The following PTPRK variants were observed in gnomAD, a reference collection of about 807,000 sequenced individuals.
The protein encoded by PTPRK is protein tyrosine phosphatase receptor type K.
PTPRK carries 75 observed loss-of-function variants against 178.0 expected under a neutral mutation model. That is an observed-to-expected ratio of 0.42 (90% confidence interval 0.35 to 0.51). PTPRK has a LOEUF of 0.51. Among genes scored for constraint, PTPRK ranks in the 20% least tolerant of loss-of-function variants. The pLI is 0.02. For synonymous variants in PTPRK, 637 were observed against 620.6 expected, an observed-to-expected ratio of 1.03 and a Z score of -0.39; for missense variants, 1,441 against 1,797.8, an observed-to-expected ratio of 0.80 and a Z score of 3.59.
chr6:128,091,591 T>C lies in PTPRK; in HGVS notation c.1163-1599A>G, dbSNP rs548248066. 4.6e-5 allele frequency among the ~76,000 whole-genome samples: 7 copies of C among 152,280 alleles called. No homozygotes were observed. The South Asian group carries it at 1.4e-3, about 32-fold the overall frequency. ...TATCTTGTTCTAAAATTATACAGAA[T>C]GAGAAAGTAAGATTTCCCATGAAAA... On this transcript the variant is annotated intron_variant, in intron 7 of 29. Coordinates refer to ENST00000368226, the MANE Select transcript of PTPRK (RefSeq NM_002844.4).
intron 7 of PTPRK, among the ~76,000 whole-genome samples, chr6:128,091,354 C>T (rs1233381742): frequency 1.3e-5 from 2 of 152,114 alleles, no homozygotes; most frequent in Admixed American, 6.6e-5. Context: ...TAGCTCTATG[C>T]TAAGATTTTC....
At chr6:128,269,224 G>A (rs11968696) in intron 3 of PTPRK, among the ~76,000 whole-genome samples, 6,621 of 151,992 alleles carry the variant, frequency 0.044, 480 homozygotes, top group African/African-American at 0.15. Context: ...GGCAGGATAG[G>A]GTAGAATACA....
chr6:128,483,964 G>A (rs141671822), intron 1 of PTPRK, among the ~76,000 whole-genome samples: 1 of 151,938 alleles, frequency 6.6e-6, no homozygotes, highest in African/African-American at 2.4e-5. Context: ...ATAATTTCCA[G>A]GGTCAGTCAT....
intron 5 of PTPRK, chr6:128,237,951 A>C: frequency 4.9e-6 from 2 of 404,254 alleles, no homozygotes; most frequent in South Asian, 3.7e-5. Flanking sequence ...TTCATAATAA[A>C]AGTTTTTATT....
chr6:128,212,626 T>G lies in PTPRK; in HGVS notation c.868+6296A>C, dbSNP rs9491928. 1.5e-3 allele frequency among the ~76,000 whole-genome samples: 225 copies of G among 152,172 alleles called. 2 individuals are homozygous for G. Among genetic ancestry groups the G allele is most frequent in the African/African-American group, 5.2e-3 (217 of 41,580 alleles). On this transcript the variant is annotated intron_variant, in intron 6 of 29. Transcript: ENST00000368226. Reference sequence around the variant, plus strand: ...CCTTGAGTTCAGCACAAATAATTATTAATGATGCAAATGATTCTGCTTCCT... The same window carrying G: ...CCTTGAGTTCAGCACAAATAATTATGAATGATGCAAATGATTCTGCTTCCT...
intron 7 of PTPRK, among the ~76,000 whole-genome samples, chr6:128,093,184 T>A (rs1787279761): frequency 1.3e-5 from 2 of 152,216 alleles, no homozygotes; most frequent in South Asian, 4.1e-4. Flanking sequence ...CTTTATTGGG[T>A]ATTCCATATA....
Position 128,116,169 on chromosome 6 carries a change from G to A in PTPRK, c.1163-26177C>T, listed in dbSNP as rs183201289. ...AATCTGCCTTTTATTTACAATGTCA[G>A]TTACTGGTCAGGGATGGATTAAGGT... On this transcript the variant is annotated intron_variant, in intron 7 of 29. Coordinates refer to ENST00000368226, the MANE Select transcript of PTPRK (RefSeq NM_002844.4). 6.6e-5 allele frequency among the ~76,000 whole-genome samples: 10 copies of A among 152,138 alleles called. No individual in the cohort carries two copies. In the East Asian group the frequency reaches 1.9e-3, roughly 29 times the overall value.
chr6:128,485,649 A>G (rs775075606), intron 1 of PTPRK, among the ~76,000 whole-genome samples: 1 of 152,214 alleles, frequency 6.6e-6, no homozygotes, highest in Non-Finnish European at 1.5e-5. Flanking sequence ...GAATGAAGGA[A>G]GAGCCCATGG....
intron 25 of PTPRK, among the ~76,000 whole-genome samples, chr6:127,979,893 CAAAGT>C (rs898695344): frequency 1.3e-5 from 2 of 152,172 alleles, no homozygotes; most frequent in Admixed American, 6.5e-5. Flanking sequence ...CCAACATAAT[CAAAGT>C]AAAGTGGCCA....
At chr6:128,463,275 T>TC (rs1197706837) in intron 1 of PTPRK, among the ~76,000 whole-genome samples, 2 of 152,202 alleles carry the variant, frequency 1.3e-5, no homozygotes, top group African/African-American at 4.8e-5. Context: ...TCCTATATTC[T>TC]CTCTGCTTGT....
chr6:128,001,378 A>G (rs1777809387), intron 15 of PTPRK, among the ~76,000 whole-genome samples: 1 of 152,054 alleles, frequency 6.6e-6, no homozygotes, highest in South Asian at 2.1e-4. Context: ...AAAGACCACA[A>G]TCCTAAGAAT....
At chr6:128,276,187 A>G (rs1350974790) in intron 3 of PTPRK, among the ~76,000 whole-genome samples, 1 of 152,102 alleles carries the variant, frequency 6.6e-6, no homozygotes, top group East Asian at 1.9e-4. Flanking sequence ...GAGGCAACAC[A>G]TATAAAGTTT....
intron 15 of PTPRK, chr6:128,003,266 T>C: frequency 2.0e-4 from 231 of 1,153,580 alleles, no homozygotes; most frequent in Non-Finnish European, 2.6e-4. Flanking sequence ...AGGAATATAT[T>C]GCTCTAAAAT....
intron 7 of PTPRK, among the ~76,000 whole-genome samples, chr6:128,134,721 G>A (rs950071694): frequency 3.3e-5 from 5 of 152,142 alleles, no homozygotes; most frequent in African/African-American, 1.2e-4. Context: ...TGAAGTGGGT[G>A]GAGTGCTTGA....
intron 18 of PTPRK, among the ~76,000 whole-genome samples, chr6:127,993,324 T>A (rs1396743272): frequency 7.0e-6 from 1 of 141,846 alleles, no homozygotes; most frequent in South Asian, 2.4e-4. Context: ...GAAAGAAGAA[T>A]TTTTAAAAAT....
intron 7 of PTPRK, among the ~76,000 whole-genome samples, chr6:128,166,928 T>A (rs1369802708): frequency 1.3e-5 from 2 of 151,752 alleles, no homozygotes; most frequent in African/African-American, 4.8e-5. Context: ...AAAATTAACA[T>A]TGATATTACG....
At chr6:128,229,731 A>G (rs1811984348) in intron 5 of PTPRK, among the ~76,000 whole-genome samples, 1 of 152,216 alleles carries the variant, frequency 6.6e-6, no homozygotes, top group Admixed American at 6.5e-5. Flanking sequence ...TAATAATTGC[A>G]ACAAATTAAA....
At chr6:128,084,050 CAA>C (rs776984491) in intron 8 of PTPRK, among the ~76,000 whole-genome samples, 1 of 151,956 alleles carries the variant, frequency 6.6e-6, no homozygotes, top group Non-Finnish European at 1.5e-5. Flanking sequence ...TGTAGAAATG[CAA>C]AGTTATTTTT....
intron 6 of PTPRK, among the ~76,000 whole-genome samples, chr6:128,186,963 T>C (rs1483204383): frequency 6.6e-6 from 1 of 152,178 alleles, no homozygotes; most frequent in Non-Finnish European, 1.5e-5. Context: ...AGATGGCTCA[T>C]ATACTAACTA....
Sources: gnomAD v4.1 joint callset for allele counts (sites outside exome capture counted in the v4.1 genomes callset) on GRCh38, gnomAD v4.1.1 for gene constraint, MANE v1.5 for transcripts, NCBI Gene and HGNC (gene_info 2026-07-23, HGNC 2026-07-21) for gene names.